MUC4: variants seen among roughly 807,000 people sequenced by gnomAD.
MUC4 encodes the protein mucin-4.
A neutral mutation model predicts 257.9 loss-of-function variants in MUC4; 202 were observed. The observed-to-expected ratio is 0.78, with a 90% CI of 0.70 to 0.88. MUC4 has a LOEUF of 0.88. MUC4 is among the 40% of genes least tolerant of loss of function. MUC4 has a pLI of 0.00. For missense variants in MUC4, 5,976 were observed against 6,513.7 expected (o/e 0.92, Z 2.84); for synonymous variants, 2,351 against 2,757.1 (o/e 0.85, Z 4.62).
chr3:195,811,901 C>T lies in MUC4; in HGVS notation c.-84G>A, dbSNP rs1736797890. ...TGTGAGGAGCAGACGTGAGCCCGTC[C>T]CCTCAGGCGGCTGGCCCGAACCAAG... is the stretch of plus-strand genomic sequence containing the variant. On this transcript the variant is annotated 5_prime_UTR_variant, in exon 1 of 25. Transcript: ENST00000463781. 3 of 1,381,042 alleles carry T rather than the reference C, an allele frequency of 2.2e-6. No individual in the cohort carries two copies. The highest frequency in any genetic ancestry group is 2.8e-5 in the African/African-American group (2 of 70,490). 85.5% of individuals were successfully genotyped at this position (1,381,042 alleles called of 1,614,324 possible).
chr3:195,772,976 A>G (rs71318001), intron 4 of MUC4, among the ~76,000 whole-genome samples: 3,460 of 106,098 alleles, frequency 0.033, 95 homozygotes, highest in East Asian at 0.09. Flanking sequence ...TCAGGGGTGT[A>G]GACACCCTCT....
chr3:195,752,780 G>A (rs980327844), intron 20 of MUC4, among the ~76,000 whole-genome samples: 13 of 152,180 alleles, frequency 8.5e-5, no homozygotes, highest in African/African-American at 3.1e-4. Context: ...ACTATGCTCC[G>A]GGCCTCCCCA....
rs574881323 is a variant in MUC4 at position 195,778,904 on chromosome 3, G to C, written c.12676C>G (p.Pro4226Ala). Residue 4226 changes from proline (P) to alanine (A), a missense_variant, in exon 2 of 25, where the codon CCT becomes GCT. Pro to Ala is a conservative substitution (Grantham distance 27). Transcript: ENST00000463781. ...SASTGHATPL[P>A]VTSLSSVSTG... ...GATACTGAGGAAAGGCTGGTGACAGGAAGAGGGGTGGCGTGACCTGTGGAT... is the reference window on the plus strand; with the variant it reads ...GATACTGAGGAAAGGCTGGTGACAGCAAGAGGGGTGGCGTGACCTGTGGAT... 6.4e-7 allele frequency: 1 copy of C among 1,566,008 alleles called. No homozygotes were observed. The highest frequency in any genetic ancestry group is 8.6e-7 in the Non-Finnish European group (1 of 1,156,304).
chr3:195,767,488 A>ATTG (rs1720885971), intron 7 of MUC4, among the ~76,000 whole-genome samples: 5 of 147,262 alleles, frequency 3.4e-5, no homozygotes, highest in Non-Finnish European at 7.5e-5. Flanking sequence ...CATCACCACC[A>ATTG]CCATCACCAT....
intron 1 of MUC4, among the ~76,000 whole-genome samples, chr3:195,802,556 C>T (rs930681411): frequency 6.6e-6 from 1 of 152,114 alleles, no homozygotes; most frequent in African/African-American, 2.4e-5. Flanking sequence ...TGGTGACTGG[C>T]ATTGGTCCTG....
rs779516240 is a variant in MUC4, at chr3:195,789,438, C to A, written c.2142G>T (p.Gln714His). ...HTTQAPTTAL[Q>H]AAPSSHDATL... ...TGGCATCATGGCTGCTGGGTGCTGC[C>A]TGCAGTGCTGTGGTCGGGGCCTGGG... Residue 714 changes from glutamine (Q) to histidine (H), a missense_variant, in exon 2 of 25, where the codon CAG becomes CAT. Coordinates refer to ENST00000463781, the MANE Select transcript of MUC4 (RefSeq NM_018406.7). 1.6e-5 allele frequency: 26 copies of A among 1,613,810 alleles called. No homozygotes were observed. The highest frequency in any genetic ancestry group is 6.7e-5 in the Admixed American group (4 of 60,002).
At chr3:195,758,956 C>G (rs1480408174) in intron 17 of MUC4, among the ~76,000 whole-genome samples, 168 bp downstream of exon 17, 1 of 152,092 alleles carries the variant, frequency 6.6e-6, no homozygotes, top group East Asian at 1.9e-4. Flanking sequence ...TGGGGGGCAC[C>G]TATTTGAGTT....
intron 6 of MUC4, 104 bp from the exon 7 acceptor site, chr3:195,769,256 C>T: frequency 6.7e-7 from 1 of 1,490,932 alleles, no homozygotes; most frequent in Non-Finnish European, 9.0e-7. Context: ...ACACGCACAG[C>T]ACCTGTTCCT....
In MUC4 at chr3:195,778,358, G is replaced by T. The variant is rs764590759; in HGVS notation, c.12888C>A (p.Ser4296Arg). The T allele has an allele frequency of 2.4e-5, 39 of 1,612,982 alleles. No individual in the cohort carries two copies. The highest frequency in any genetic ancestry group is 2.0e-4 in the East Asian group (9 of 44,896). The change falls in exon 3 of 25, where the codon AGC becomes AGA. Residue 4296 changes from serine to arginine, a missense_variant. This residue lies in a region of MUC4 where 233 missense variants were observed against 171.2 expected (regional missense o/e 1.36). Transcript: ENST00000463781. ...CTGTGGAGCGGGTGTGCATGGCAGT[G>T]CTGGGAATGGTGGAAATGATGGTCT... is the stretch of plus-strand genomic sequence containing the variant. ...TSQTIISTIP[S>R]TAMHTRSTAA...
Position 195,789,402 on chromosome 3 carries a change from G to C in MUC4, c.2178C>G (p.Pro726=), listed in dbSNP as rs750284163. ...TTTTGGAAAGTGACGTGCCTCCTGAGGGCCCCAGGGTGGCATCATGGCTGC... is the reference window on the plus strand; with the variant it reads ...TTTTGGAAAGTGACGTGCCTCCTGACGGCCCCAGGGTGGCATCATGGCTGC... ...APSSHDATLG[P]SGGTSLSKTG... The change falls in exon 2 of 25, where the codon CCC becomes CCG. Residue 726 remains proline, a synonymous_variant. Coordinates refer to ENST00000463781, the MANE Select transcript of MUC4 (RefSeq NM_018406.7). 1 of 1,613,960 alleles carries C rather than the reference G, an allele frequency of 6.2e-7. No individual in the cohort carries two copies. Among genetic ancestry groups the C allele is most frequent in the Admixed American group, 1.7e-5 (1 of 60,012 alleles).
intron 8 of MUC4, 26 bp from the exon 9 acceptor site, chr3:195,765,475 G>A (rs745923492): frequency 1.7e-5 from 28 of 1,600,384 alleles, no homozygotes; most frequent in Non-Finnish European, 2.3e-5. Flanking sequence ...GGGGGGAAAG[G>A]GCTTATCCAG....
chr3:195,781,601 T>G lies in MUC4; in HGVS notation c.9979A>C (p.Thr3327Pro), dbSNP rs1728077343. Residue 3327 changes from threonine to proline, a missense_variant, in exon 2 of 25, where the codon ACC becomes CCC. Physicochemically the swap from Thr to Pro is conservative, Grantham distance 38. This residue lies in a region of MUC4 where 72 missense variants were observed against 33.5 expected (regional missense o/e 2.15). Coordinates refer to ENST00000463781, the MANE Select transcript of MUC4 (RefSeq NM_018406.7). ...GAAGGGCTGGTGACATGAAGAGGGG[T>G]GGCGTGACCTGTGGATGCTGAGGAA... ...DASSASTGHA[T>P]PLHVTSPSSA... The G allele has an allele frequency of 3.5e-6, 2 of 572,158 alleles. No homozygotes were observed. The highest frequency in any genetic ancestry group is 2.2e-5 in the African/African-American group (1 of 46,118). The allele number at this position is 572,158 out of a possible 1,614,324, so 35.4% of individuals were successfully genotyped here. A position where few individuals can be genotyped will look rare whatever the true frequency, so the allele number is the denominator to read the frequency against.
rs139725913 is a variant in MUC4, at chr3:195,800,114, C to T, written c.83-8617G>A. ...CCAACATGATGAAACCCCATCTCTA[C>T]TAAAAATACAAAAATTACCCAGGCA... On this transcript the variant is annotated intron_variant, in intron 1 of 24. Coordinates refer to ENST00000463781, the MANE Select transcript of MUC4 (RefSeq NM_018406.7). Among the ~76,000 whole-genome samples the T allele has an allele frequency of 4.7e-4, 71 of 152,156 alleles. No individual in the cohort carries two copies. In the East Asian group the frequency reaches 0.011, roughly 23 times the overall value.
chr3:195,761,181 C>T (rs1006143928), intron 15 of MUC4, 64 bp from the exon 16 acceptor site: 1 of 1,457,876 alleles, frequency 6.9e-7, no homozygotes. Context: ...CTGTGTCCAC[C>T]TCTACCCCTC....
rs1306209952 is a variant in MUC4 at position 195,782,483 on chromosome 3, C to A, written c.9097G>T (p.Ala3033Ser). 6.7e-5 allele frequency: 81 copies of A among 1,204,398 alleles called. 4 individuals are homozygous for A. The South Asian group carries it at 9.5e-4, about 14-fold the overall frequency. The allele number at this position is 1,204,398 out of a possible 1,614,324, so 74.6% of individuals were successfully genotyped here. The change falls in exon 2 of 25, where the codon GCA becomes TCA. Residue 3033 changes from alanine to serine, a missense_variant. By Grantham distance (99) the Ala-to-Ser change is moderately conservative. Around this residue, in one of 44 missense-constraint regions of MUC4, gnomAD observed 52 missense variants for 102.2 expected, o/e 0.51. Transcript: ENST00000463781. ...AGCGGGGTGGCGTGACCGGTGGATG[C>A]TGAGGAAGGGCTGGTGACATGAAGA... ...TPLHVTSPSSASTGHATPLPV... is the reference protein window; with the variant it reads ...TPLHVTSPSSSSTGHATPLPV...
intron 18 of MUC4, 127 bp from the exon 19 acceptor site, chr3:195,754,499 C>T (rs540804049): frequency 1.6e-6 from 2 of 1,224,408 alleles, no homozygotes; most frequent in Non-Finnish European, 2.2e-6. Context: ...CCCACCAGCA[C>T]CTGCTGAGCA....
rs370049807 is a variant in MUC4 at position 195,779,723 on chromosome 3, G to C, written c.11857C>G (p.Leu3953Val). ...SSASTGDTTPLPVTDTSSVST... is the reference protein window; with the variant it reads ...SSASTGDTTPVPVTDTSSVST... The stretch of plus-strand genomic sequence containing the variant: ...ACTGAGGAAGTGTCGGTGACAGGAA[G>C]AGGGGTGGTGTCACCTGTGGATGCT... Residue 3953 changes from leucine (L) to valine (V), a missense_variant, in exon 2 of 25, where the codon CTT becomes GTT. Leu to Val is a conservative substitution (Grantham distance 32, BLOSUM62 1). Around this residue, in one of 44 missense-constraint regions of MUC4, gnomAD observed 293 missense variants for 294.5 expected, o/e 1.00. Transcript: ENST00000463781. The C allele has an allele frequency of 2.2e-6, 3 of 1,392,454 alleles. No homozygotes were observed. The highest frequency in any genetic ancestry group is 3.5e-5 in the African/African-American group (2 of 57,394). 86.3% of individuals were successfully genotyped at this position (1,392,454 alleles called of 1,614,324 possible). A position where few individuals can be genotyped will look rare whatever the true frequency, so the allele number is the denominator to read the frequency against.
chr3:195,761,631 C>G (rs1408208442), intron 14 of MUC4, 46 bp from the exon 15 acceptor site: 1 of 1,468,798 alleles, frequency 6.8e-7, no homozygotes, highest in East Asian at 2.3e-5. Flanking sequence ...ACGCGGCTGT[C>G]CCCTTCCTGG....
intron 1 of MUC4, among the ~76,000 whole-genome samples, chr3:195,793,075 A>G (rs1443295176): frequency 2.0e-5 from 3 of 152,188 alleles, no homozygotes; most frequent in African/African-American, 7.2e-5. Flanking sequence ...TGGCACATAT[A>G]TACCTGTGTA....
Sources: allele counts gnomAD v4.1 joint callset (sites outside exome capture counted in the v4.1 genomes callset), GRCh38; gene constraint gnomAD v4.1.1; regional missense constraint gnomAD v4.1.1; transcripts MANE v1.5; gene names NCBI Gene and HGNC (gene_info 2026-07-23, HGNC 2026-07-21).